PWWP2A: variants seen among roughly 807,000 people sequenced by gnomAD.
PWWP2A encodes PWWP domain containing 2A.
PWWP2A carries 18 observed loss-of-function variants against 48.5 expected under a neutral mutation model. That is an observed-to-expected ratio of 0.37 (90% CI 0.26 to 0.55). The LOEUF is 0.55. Ranked by LOEUF, PWWP2A falls within the 20% of genes least tolerant of loss-of-function variation. The pLI is 0.81. For missense variants in PWWP2A, 867 were observed against 976.4 expected (o/e 0.89, Z 1.49); for synonymous variants, 396 against 387.7 (o/e 1.02, Z -0.25).
chr5:160,108,059 A>G lies in PWWP2A; in HGVS notation c.584+10746T>C, dbSNP rs78811878. On this transcript the variant is annotated intron_variant, in intron 1 of 1. Transcript: ENST00000307063. ...AAAACATGCCTAGCATAGTTTGTGT[A>G]TAACACATCTAGTGTATAAAATATA... is the stretch of plus-strand genomic sequence containing the variant. 1.4e-4 allele frequency among the ~76,000 whole-genome samples: 21 copies of G among 152,300 alleles called. No homozygotes were observed. The East Asian group carries it at 4.0e-3, about 29-fold the overall frequency.
chr5:160,102,826 C>A (rs1405188126), intron 1 of PWWP2A, among the ~76,000 whole-genome samples: 2 of 151,998 alleles, frequency 1.3e-5, no homozygotes, highest in African/African-American at 4.8e-5. Flanking sequence ...TCAGGCAAAT[C>A]CAAATTGAGG....
chr5:160,069,631 A>C (rs981839218), intron 2 of PWWP2A, among the ~76,000 whole-genome samples: 1 of 152,204 alleles, frequency 6.6e-6, no homozygotes, highest in Non-Finnish European at 1.5e-5. Flanking sequence ...TGGGAGGCCA[A>C]GGCGGGAGGA....
intron 1 of PWWP2A, among the ~76,000 whole-genome samples, chr5:160,111,091 G>A (rs990542658): frequency 1.3e-5 from 2 of 152,136 alleles, no homozygotes; most frequent in African/African-American, 4.8e-5. Flanking sequence ...AGGGCAAGGA[G>A]GGAGGATTAC....
intron 1 of PWWP2A, among the ~76,000 whole-genome samples, chr5:160,110,354 A>T (rs2113655724): frequency 6.6e-6 from 1 of 152,292 alleles, no homozygotes; most frequent in East Asian, 1.9e-4. Flanking sequence ...GATTACTGCT[A>T]TTATTTCAGG....
chr5:160,068,959 G>A (rs1753679818), intron 2 of PWWP2A, among the ~76,000 whole-genome samples: 1 of 152,168 alleles, frequency 6.6e-6, no homozygotes, highest in Non-Finnish European at 1.5e-5. Flanking sequence ...GACCCAGCAA[G>A]TAATTCAAAT....
chr5:160,116,400 G>A (rs1056802703), intron 1 of PWWP2A, among the ~76,000 whole-genome samples: 2 of 152,128 alleles, frequency 1.3e-5, no homozygotes, highest in African/African-American at 4.8e-5. Flanking sequence ...AGGTTGCAGT[G>A]AGCCGAGATC....
At chr5:160,094,379 A>G (rs73311153) in intron 1 of PWWP2A, among the ~76,000 whole-genome samples, 1,668 of 152,342 alleles carry the variant, frequency 0.011, 31 homozygotes, top group African/African-American at 0.038. Flanking sequence ...TAAGCATCAC[A>G]TACATTACAT....
downstream of PWWP2A, among the ~76,000 whole-genome samples, chr5:160,072,324 C>G (rs945762564): frequency 5.3e-5 from 8 of 152,112 alleles, no homozygotes; most frequent in Non-Finnish European, 8.8e-5. Flanking sequence ...TTAGCATGGA[C>G]TCTGAAAAAA....
chr5:160,109,969 G>C (rs775136814), intron 1 of PWWP2A, among the ~76,000 whole-genome samples: 2 of 150,418 alleles, frequency 1.3e-5, no homozygotes, highest in Non-Finnish European at 3.0e-5. Context: ...AGCTTTATTT[G>C]GATCCTAATT....
rs1311502471 is a variant in PWWP2A, at chr5:160,097,696, G to GT, written c.585-3632dup. Among the ~76,000 whole-genome samples the GT allele has an allele frequency of 2.0e-3, 159 of 80,492 alleles. 2 individuals carry two copies. Among genetic ancestry groups the GT allele is most frequent in the Admixed American group, 3.5e-3 (28 of 8,070 alleles). The allele number at this position is 80,492 out of a possible 152,430, so 52.8% of individuals were successfully genotyped here. On this transcript the variant is annotated intron_variant, in intron 1 of 1. Coordinates refer to ENST00000307063, the MANE Select transcript of PWWP2A (RefSeq NM_001130864.2). The stretch of plus-strand genomic sequence containing the variant: ...AAAAACACCTAATAATTTACTAGAG[G>GT]TTTTTTTTTTGGGGGGGGGGGCGGT...
intron 1 of PWWP2A, 83 bp from the exon 2 acceptor site, chr5:160,094,148 C>G (rs1302621337): frequency 3.6e-6 from 5 of 1,384,400 alleles, no homozygotes; most frequent in Non-Finnish European, 4.8e-6. Context: ...ACATCTGATG[C>G]TTATTTATAT....
the PWWP2A span, among the ~76,000 whole-genome samples, chr5:160,053,656 C>T: frequency 6.6e-6 from 1 of 152,136 alleles, no homozygotes. Flanking sequence ...CTTTCAGAGT[C>T]TTTTGTGGTT....
chr5:160,113,460 T>G, intron 1 of PWWP2A: 13 of 372,866 alleles, frequency 3.5e-5, no homozygotes, highest in South Asian at 1.1e-4. Context: ...TAGACAGCTC[T>G]TCCAATTTTA....
intron 2 of PWWP2A, among the ~76,000 whole-genome samples, chr5:160,069,162 G>A (rs987886152): frequency 6.6e-6 from 1 of 152,054 alleles, no homozygotes; most frequent in African/African-American, 2.4e-5. Flanking sequence ...GTGTGTGCCT[G>A]TAGTCCCAGC....
chr5:160,102,647 T>C (rs929634251), intron 1 of PWWP2A, among the ~76,000 whole-genome samples: 4 of 152,156 alleles, frequency 2.6e-5, no homozygotes, highest in African/African-American at 9.7e-5. Flanking sequence ...GAATTATTAG[T>C]GCAAGGGAAA....
intron 2 of PWWP2A, among the ~76,000 whole-genome samples, chr5:160,083,677 C>T (rs905066267): frequency 6.6e-6 from 1 of 152,080 alleles, no homozygotes; most frequent in African/African-American, 2.4e-5. Context: ...GGAAAGGGTT[C>T]GGGATGTGTG....
chr5:160,071,871 C>T (rs1581142941), downstream of PWWP2A, among the ~76,000 whole-genome samples: 1 of 152,112 alleles, frequency 6.6e-6, no homozygotes, highest in Non-Finnish European at 1.5e-5. Context: ...ATATGCTCGT[C>T]CCTCCCCTTA....
At chr5:160,060,037 T>C (rs1026655580), downstream of PWWP2A, among the ~76,000 whole-genome samples, 1 of 152,218 alleles carries the variant, frequency 6.6e-6, no homozygotes, top group Non-Finnish European at 1.5e-5. Context: ...TTATCCTTTC[T>C]ATGCTGGGCT....
At chr5:160,109,282 C>G (rs1244483805) in intron 1 of PWWP2A, among the ~76,000 whole-genome samples, 2 of 151,908 alleles carry the variant, frequency 1.3e-5, no homozygotes, top group African/African-American at 2.4e-5. Context: ...CTGCACCCAG[C>G]TACACAAGCA....
Sources: gnomAD v4.1 joint callset for allele counts (sites outside exome capture counted in the v4.1 genomes callset) on GRCh38, gnomAD v4.1.1 for gene constraint, MANE v1.5 for transcripts, NCBI Gene and HGNC (gene_info 2026-07-23, HGNC 2026-07-21) for gene names.